The following KCNH1 variants were observed in gnomAD, a reference collection of about 807,000 sequenced individuals.
The protein encoded by KCNH1 is voltage-gated delayed rectifier potassium channel KCNH1.
KCNH1 carries 27 observed loss-of-function variants against 69.2 expected under a neutral mutation model. That is an observed-to-expected ratio of 0.39 (90% confidence interval 0.29 to 0.54). The LOEUF is 0.54. Among genes scored for constraint, KCNH1 ranks in the 20% least tolerant of loss-of-function variants. The pLI is 0.68. For synonymous variants in KCNH1, 456 were observed against 487.7 expected, an observed-to-expected ratio of 0.93 and a Z score of 0.86; for missense variants, 798 against 1,261.6, an observed-to-expected ratio of 0.63 and a Z score of 5.57.
rs139735688 is a variant in KCNH1 at position 210,683,904 on chromosome 1, C to T, written c.2347G>A (p.Val783Met). The T allele has an allele frequency of 1.8e-4, 288 of 1,613,330 alleles. No individual in the cohort carries two copies. Among genetic ancestry groups the T allele is most frequent in the Non-Finnish European group, 2.1e-4 (246 of 1,179,460 alleles). ...TEHASANHSL[V>M]KASVVTVRES... ...CGCACGGTGACCACGCTGGCCTTCA[C>T]GAGGCTGTGGTTGGCGGAGGCATGC... Residue 783 changes from valine to methionine, a missense_variant, in exon 11 of 11, where the codon GTG becomes ATG. Transcript: ENST00000271751. This position sits in a 1 kb window ranked among gnomAD's most constrained non-coding sequence, Gnocchi z 5.7.
chr1:211,054,681 G>C (rs528549083), intron 5 of KCNH1, among the ~76,000 whole-genome samples: 1 of 152,122 alleles, frequency 6.6e-6, no homozygotes, highest in Non-Finnish European at 1.5e-5. Context: ...CTTGTTTTGC[G>C]CTAGAAGCAG....
At chr1:210,972,506 A>G (rs1688529176) in intron 6 of KCNH1, among the ~76,000 whole-genome samples, 1 of 152,206 alleles carries the variant, frequency 6.6e-6, no homozygotes, top group African/African-American at 2.4e-5. Flanking sequence ...TGGGAAAGAA[A>G]AAAGATAAAA....
In KCNH1 at chr1:211,133,098, G is replaced by C. The variant is rs917046116; in HGVS notation, c.79+769C>G. 5 of 152,218 alleles carry C rather than the reference G, an allele frequency of 3.3e-5. No homozygotes were observed. Among genetic ancestry groups the C allele is most frequent in the African/African-American group, 1.2e-4 (5 of 41,438 alleles). 9.4% of individuals were successfully genotyped at this position (152,218 alleles called of 1,614,324 possible). On this transcript the variant is annotated intron_variant, in intron 1 of 10. Coordinates refer to ENST00000271751, the MANE Select transcript of KCNH1 (RefSeq NM_172362.3). The surrounding 1 kb of genome is among the most constrained non-coding windows in gnomAD (Gnocchi z 5.4). Reference sequence around the variant, plus strand: ...GGTAATGGATCTATTTATAGGTTTGGTGAGATTGGGAATTTATAGGTGAGC... The same window carrying C: ...GGTAATGGATCTATTTATAGGTTTGCTGAGATTGGGAATTTATAGGTGAGC...
chr1:210,781,768 C>T (rs1489819722), intron 9 of KCNH1, among the ~76,000 whole-genome samples: 6 of 152,240 alleles, frequency 3.9e-5, no homozygotes, highest in Non-Finnish European at 8.8e-5. Context: ...ATCTCCTCCT[C>T]CCCAGTACTG....
chr1:210,757,382 T>A (rs531847547), intron 10 of KCNH1, among the ~76,000 whole-genome samples: 1 of 152,190 alleles, frequency 6.6e-6, no homozygotes, highest in Non-Finnish European at 1.5e-5. Context: ...TTCCTACCCC[T>A]CTATCAAGAT....
chr1:210,888,868 C>A (rs909750870), intron 7 of KCNH1, among the ~76,000 whole-genome samples: 1 of 152,154 alleles, frequency 6.6e-6, no homozygotes, highest in Non-Finnish European at 1.5e-5. Flanking sequence ...AGTCAAATAC[C>A]TGAACAGACC....
chr1:210,728,165 C>T (rs1682653202), intron 10 of KCNH1, among the ~76,000 whole-genome samples: 1 of 152,160 alleles, frequency 6.6e-6, no homozygotes, highest in Admixed American at 6.5e-5. Flanking sequence ...CTGCTCTAAG[C>T]CATAATGAAT....
At chr1:211,002,328 GTGTGTGTGTGTA>G (rs1689202002) in intron 6 of KCNH1, among the ~76,000 whole-genome samples, 2 of 53,608 alleles carry the variant, frequency 3.7e-5, no homozygotes, top group African/African-American at 1.4e-4. Flanking sequence ...ATATATATAT[GTGTGTGTGTGTA>G]TATATATATA....
intron 6 of KCNH1, among the ~76,000 whole-genome samples, chr1:210,938,073 T>C (rs1687805516): frequency 6.6e-6 from 1 of 152,236 alleles, no homozygotes; most frequent in Admixed American, 6.5e-5. Flanking sequence ...GGAATGTCCA[T>C]GGGTTTGGCA....
intron 3 of KCNH1, 83 bp downstream of exon 3, chr1:211,103,413 A>T (rs951043385): frequency 1.1e-6 from 1 of 887,952 alleles, no homozygotes; most frequent in Non-Finnish European, 1.7e-6. Flanking sequence ...GAGAAGAAAA[A>T]CCAAGACAGC....
At chr1:211,035,553 G>A (rs1380177650) in intron 5 of KCNH1, among the ~76,000 whole-genome samples, 2 of 152,050 alleles carry the variant, frequency 1.3e-5, no homozygotes, top group African/African-American at 4.8e-5. Flanking sequence ...TATTTTTATT[G>A]CTAGGACATT....
chr1:210,790,003 C>G (rs1467897526), intron 9 of KCNH1, among the ~76,000 whole-genome samples: 4 of 152,056 alleles, frequency 2.6e-5, no homozygotes, highest in African/African-American at 9.7e-5. Flanking sequence ...GCCTCAAAGT[C>G]CTAGGCTCAA....
chr1:211,063,823 A>C (rs1230525403), intron 5 of KCNH1: 1 of 152,164 alleles, frequency 6.6e-6, no homozygotes, highest in Admixed American at 6.5e-5. Context: ...TATATTTCAA[A>C]ATAACTGAAA....
intron 7 of KCNH1, among the ~76,000 whole-genome samples, chr1:210,817,490 CA>C (rs1193759361): frequency 6.6e-6 from 1 of 152,030 alleles, no homozygotes; most frequent in African/African-American, 2.4e-5. Context: ...AGAATCTAGT[CA>C]AAAATGTTTA....
chr1:210,938,493 G>A (rs1687818747), intron 6 of KCNH1, among the ~76,000 whole-genome samples: 1 of 152,084 alleles, frequency 6.6e-6, no homozygotes, highest in Admixed American at 6.5e-5. Flanking sequence ...ACTTAAACTA[G>A]GCAATATCTC....
At chr1:210,707,146 A>C (rs1681935375) in intron 10 of KCNH1, among the ~76,000 whole-genome samples, 1 of 152,194 alleles carries the variant, frequency 6.6e-6, no homozygotes, top group Admixed American at 6.5e-5. Context: ...TTCCTTGACC[A>C]ATATCTGAGA....
At chr1:210,885,832 C>T (rs934259208) in intron 7 of KCNH1, among the ~76,000 whole-genome samples, 2 of 152,242 alleles carry the variant, frequency 1.3e-5, no homozygotes, top group Non-Finnish European at 2.9e-5. Context: ...TGTAGCCAGA[C>T]TGCCTCTCTA....
intron 9 of KCNH1, among the ~76,000 whole-genome samples, chr1:210,785,922 G>A (rs996041346): frequency 6.6e-6 from 1 of 152,110 alleles, no homozygotes; most frequent in African/African-American, 2.4e-5. Flanking sequence ...CTAATTCTGG[G>A]TCTCAATATT....
At chr1:210,819,202 C>A (rs995055471) in intron 7 of KCNH1, among the ~76,000 whole-genome samples, 5 of 152,012 alleles carry the variant, frequency 3.3e-5, no homozygotes, top group South Asian at 2.1e-4. Flanking sequence ...GTTGATACAG[C>A]AACTTTTTCC....
Sources: allele counts gnomAD v4.1 joint callset (sites outside exome capture counted in the v4.1 genomes callset), GRCh38; gene constraint gnomAD v4.1.1; non-coding constraint Gnocchi (gnomAD v3.1); transcripts MANE v1.5; gene names NCBI Gene and HGNC (gene_info 2026-07-23, HGNC 2026-07-21).